The following KIF6 variants were observed in gnomAD, a reference collection of about 807,000 sequenced individuals.
KIF6 encodes the protein kinesin family member 6.
In KIF6, 106 loss-of-function variants were observed where a neutral mutation model predicts 112.7. The observed-to-expected ratio is 0.94, with a 90% confidence interval of 0.80 to 1.11. The LOEUF (loss-of-function observed/expected upper bound fraction) is 1.11, where lower values mean the gene tolerates loss of function less well. Ranked by LOEUF, KIF6 falls within the 50% of genes least tolerant of loss-of-function variation. The pLI is 0.00. For missense variants in KIF6, 929 were observed against 964.0 expected (o/e 0.96, Z 0.48); for synonymous variants, 339 against 339.9 (o/e 1.00, Z 0.03).
chr6:39,680,301 C>A (rs537004726), intron 3 of KIF6, among the ~76,000 whole-genome samples: 5 of 152,218 alleles, frequency 3.3e-5, no homozygotes, highest in Non-Finnish European at 7.3e-5. Flanking sequence ...AGCCACCATG[C>A]CCGGGTGTAT....
In KIF6 at chr6:39,631,067, T is replaced by A. The variant is rs1005104978; in HGVS notation, c.509+3782A>T. Among the ~76,000 whole-genome samples, 5 of 152,080 alleles carry A rather than the reference T, an allele frequency of 3.3e-5. No individual in the cohort carries two copies. In the East Asian group the frequency reaches 9.6e-4, roughly 29 times the overall value. On this transcript the variant is annotated intron_variant, in intron 5 of 22. Coordinates refer to ENST00000287152, the MANE Select transcript of KIF6 (RefSeq NM_145027.6). ...TCTTTTTATACATTTTTGAATATAA[T>A]CTGCTAATATTTTATTGAGGATTTT...
intron 3 of KIF6, among the ~76,000 whole-genome samples, chr6:39,670,823 T>C (rs573560966): frequency 6.6e-6 from 1 of 152,268 alleles, no homozygotes; most frequent in South Asian, 2.1e-4. Flanking sequence ...GCTGTTTGAA[T>C]AAGGGTAGGC....
intron 13 of KIF6, among the ~76,000 whole-genome samples, chr6:39,498,370 G>T (rs548957400): frequency 7.9e-5 from 12 of 152,168 alleles, no homozygotes; most frequent in Non-Finnish European, 1.6e-4. Flanking sequence ...AGAGTTGCGG[G>T]TGAGGAGAGC....
In KIF6 at chr6:39,699,235, C is replaced by T. The variant is rs150082844; in HGVS notation, c.251+15457G>A. On this transcript the variant is annotated intron_variant, in intron 3 of 22. Transcript: ENST00000287152. The stretch of plus-strand genomic sequence containing the variant: ...TGCTATGAAAAAAAAAATGTGGCAT[C>T]AGGTAGGGGAGTGAGGAATGCCATG... Among the ~76,000 whole-genome samples the T allele has an allele frequency of 5.4e-3, 822 of 152,104 alleles. 11 individuals are homozygous for T. Among genetic ancestry groups the T allele is most frequent in the African/African-American group, 0.019 (778 of 41,484 alleles).
intron 15 of KIF6, among the ~76,000 whole-genome samples, chr6:39,408,867 A>G (rs1256959863): frequency 6.6e-6 from 1 of 152,098 alleles, no homozygotes; most frequent in Non-Finnish European, 1.5e-5. Flanking sequence ...CACCACCCCA[A>G]TGAATCTATG....
intron 16 of KIF6, among the ~76,000 whole-genome samples, chr6:39,376,968 G>T (rs946590234): frequency 2.6e-5 from 4 of 152,220 alleles, no homozygotes; most frequent in Non-Finnish European, 1.5e-5. Flanking sequence ...CCTCACCCTT[G>T]CCTCGTGGTC....
intron 14 of KIF6, among the ~76,000 whole-genome samples, chr6:39,430,562 T>C (rs1771077596): frequency 1.3e-5 from 2 of 152,182 alleles, no homozygotes; most frequent in Admixed American, 1.3e-4. Flanking sequence ...TCTGACAACA[T>C]GTCAGCAGAT....
intron 9 of KIF6, among the ~76,000 whole-genome samples, chr6:39,581,531 C>T (rs1392615656): frequency 6.6e-6 from 1 of 152,024 alleles, no homozygotes; most frequent in Non-Finnish European, 1.5e-5. Context: ...GAATTTCAAA[C>T]CTACATGAGG....
intron 13 of KIF6, among the ~76,000 whole-genome samples, chr6:39,517,532 G>A (rs1777153891): frequency 6.6e-6 from 1 of 152,128 alleles, no homozygotes. Context: ...CTTAAGCAGT[G>A]TCAATCTTCC....
Position 39,452,016 on chromosome 6 carries a change from C to T in KIF6, c.1646-20855G>A, listed in dbSNP as rs556564129. 7.1e-4 allele frequency among the ~76,000 whole-genome samples: 108 copies of T among 152,286 alleles called. 3 individuals are homozygous for T. The South Asian group carries it at 0.021, about 30-fold the overall frequency. On this transcript the variant is annotated intron_variant, in intron 13 of 22. Transcript: ENST00000287152. ...AATGGGCGAGCCTGCAATTCATGAG[C>T]CTGCAGATAGGCGGCATCCTCAGTT...
intron 10 of KIF6, among the ~76,000 whole-genome samples, chr6:39,556,811 T>C (rs1582128557): frequency 2.0e-5 from 3 of 152,202 alleles, no homozygotes; most frequent in Admixed American, 6.5e-5. Flanking sequence ...TTTATCTCCA[T>C]GGTTAAAGTT....
rs1224880505 is a variant in KIF6 at position 39,426,308 on chromosome 6, A to G, written c.1754+4745T>C. Among the ~76,000 whole-genome samples, 41 of 152,256 alleles carry G rather than the reference A, an allele frequency of 2.7e-4. 1 individual carries two copies. The highest frequency in any genetic ancestry group is 2.7e-3 in the Admixed American group (41 of 15,290). On this transcript the variant is annotated intron_variant, in intron 14 of 22. Coordinates refer to ENST00000287152, the MANE Select transcript of KIF6 (RefSeq NM_145027.6). The stretch of plus-strand genomic sequence containing the variant: ...TGCTCTAGTTCACCAAAGGGCGAAC[A>G]TCCTATTCATGTGCCAACATCTTAT...
intron 14 of KIF6, among the ~76,000 whole-genome samples, chr6:39,421,020 C>G (rs1356487459): frequency 6.6e-6 from 1 of 152,216 alleles, no homozygotes; most frequent in African/African-American, 2.4e-5. Context: ...AGTCCCTATA[C>G]ATAGTGGGCC....
chr6:39,577,204 A>G (rs1781022297), intron 10 of KIF6, among the ~76,000 whole-genome samples: 1 of 152,252 alleles, frequency 6.6e-6, no homozygotes, highest in South Asian at 2.1e-4. Context: ...TTTGACTATA[A>G]CAGAAACCTT....
chr6:39,571,604 A>C (rs1780642594), intron 10 of KIF6, among the ~76,000 whole-genome samples: 1 of 152,230 alleles, frequency 6.6e-6, no homozygotes, highest in South Asian at 2.1e-4. Context: ...AGAGAGCAAA[A>C]TAAACATTCA....
intron 10 of KIF6, 119 bp from the exon 11 acceptor site, chr6:39,545,807 G>T: frequency 1.7e-6 from 1 of 573,710 alleles, no homozygotes; most frequent in Non-Finnish European, 3.1e-6. Context: ...CTTTACAGAA[G>T]TACAGATTTG....
chr6:39,523,948 T>C (rs113421541), intron 13 of KIF6, among the ~76,000 whole-genome samples: 3,456 of 152,110 alleles, frequency 0.023, 62 homozygotes, highest in Non-Finnish European at 0.033. Context: ...AATGAATGAA[T>C]AGGAGCCACT....
At chr6:39,612,804 T>A (rs184877367) in intron 6 of KIF6, among the ~76,000 whole-genome samples, 2 of 152,344 alleles carry the variant, frequency 1.3e-5, no homozygotes, top group Admixed American at 1.3e-4. Flanking sequence ...GGACTGAGTA[T>A]TTTTAAATTT....
chr6:39,539,728 T>C (rs1778677838), intron 13 of KIF6, among the ~76,000 whole-genome samples: 1 of 152,214 alleles, frequency 6.6e-6, no homozygotes, highest in Non-Finnish European at 1.5e-5. Flanking sequence ...CAGCAATATC[T>C]GATCTTATTT....
Sources: gnomAD v4.1 joint callset for allele counts (sites outside exome capture counted in the v4.1 genomes callset) on GRCh38, gnomAD v4.1.1 for gene constraint, MANE v1.5 for transcripts, NCBI Gene and HGNC (gene_info 2026-07-23, HGNC 2026-07-21) for gene names.